Variants in NKAIN2 observed in about 807,000 individuals in gnomAD.
The protein encoded by NKAIN2 is sodium/potassium-transporting ATPase subunit beta-1-interacting protein 2.
NKAIN2 carries 14 observed loss-of-function variants against 32.6 expected under a neutral mutation model. The observed-to-expected ratio is 0.43, with a 90% CI of 0.28 to 0.67. NKAIN2 has a LOEUF of 0.67. Among genes scored for constraint, NKAIN2 ranks in the 30% least tolerant of loss-of-function variants. NKAIN2 has a pLI of 0.17. For synonymous variants in NKAIN2, 80 were observed against 87.2 expected, an observed-to-expected ratio of 0.92 and a Z score of 0.46; for missense variants, 198 against 258.3, an observed-to-expected ratio of 0.77 and a Z score of 1.60.
chr6:124,012,745 G>C (rs1439663855), intron 1 of NKAIN2, among the ~76,000 whole-genome samples: 1 of 151,994 alleles, frequency 6.6e-6, no homozygotes, highest in Non-Finnish European at 1.5e-5. Context: ...ATAGACACTT[G>C]GGTTGTTTCT....
chr6:124,514,735 T>G (rs969511100), intron 3 of NKAIN2, among the ~76,000 whole-genome samples: 2 of 150,380 alleles, frequency 1.3e-5, no homozygotes, highest in Admixed American at 6.6e-5. Flanking sequence ...TTTTCCAACT[T>G]GGCTGCATGT....
intron 1 of NKAIN2, among the ~76,000 whole-genome samples, chr6:123,951,644 T>C (rs570710148): frequency 7.9e-5 from 12 of 151,678 alleles, no homozygotes; most frequent in Non-Finnish European, 1.3e-4. Flanking sequence ...TCAGTCTATA[T>C]TTTTTTTAAC....
intron 3 of NKAIN2, among the ~76,000 whole-genome samples, chr6:124,387,134 T>G (rs1316506909): frequency 1.3e-5 from 2 of 152,224 alleles, no homozygotes; most frequent in African/African-American, 2.4e-5. Context: ...TTTTGAAAAC[T>G]TGTATAAAAT....
At chr6:124,117,709 G>A (rs185591524) in intron 1 of NKAIN2, among the ~76,000 whole-genome samples, 6 of 151,878 alleles carry the variant, frequency 4.0e-5, no homozygotes, top group Admixed American at 3.9e-4. Flanking sequence ...TTCAAATTAA[G>A]TTCACATTAT....
chr6:124,207,867 T>G (rs1452918308), intron 1 of NKAIN2, among the ~76,000 whole-genome samples: 1 of 151,946 alleles, frequency 6.6e-6, no homozygotes, highest in Non-Finnish European at 1.5e-5. Flanking sequence ...AAATTTGAGA[T>G]GCAGACAATT....
intron 4 of NKAIN2, among the ~76,000 whole-genome samples, chr6:124,707,044 T>C (rs1238613642): frequency 7.6e-6 from 1 of 132,370 alleles, no homozygotes; most frequent in African/African-American, 2.8e-5. Context: ...CCTGTGTCCA[T>C]GTGATCTCAT....
intron 1 of NKAIN2, among the ~76,000 whole-genome samples, chr6:123,981,544 T>A (rs1470814421): frequency 6.6e-6 from 1 of 152,102 alleles, no homozygotes; most frequent in Non-Finnish European, 1.5e-5. Context: ...CCATCACATA[T>A]GAAGATCAAG....
At chr6:124,622,028 G>A (rs1210702364) in intron 3 of NKAIN2, among the ~76,000 whole-genome samples, 3 of 152,166 alleles carry the variant, frequency 2.0e-5, no homozygotes, top group Non-Finnish European at 4.4e-5. Context: ...AAATTACCAT[G>A]CACTTTGTGG....
intron 1 of NKAIN2, among the ~76,000 whole-genome samples, chr6:123,950,550 T>A (rs1290362832): frequency 6.6e-6 from 1 of 152,016 alleles, no homozygotes; most frequent in Non-Finnish European, 1.5e-5. Flanking sequence ...TCAAAGAATT[T>A]ATCCACTTTC....
intron 1 of NKAIN2, among the ~76,000 whole-genome samples, chr6:123,878,468 T>C (rs1222170157): frequency 6.6e-6 from 1 of 152,150 alleles, no homozygotes; most frequent in Non-Finnish European, 1.5e-5. Flanking sequence ...TCCGGACTTC[T>C]ATTTTTATTT....
intron 4 of NKAIN2, among the ~76,000 whole-genome samples, chr6:124,734,210 C>A (rs1457807459): frequency 6.6e-6 from 1 of 151,672 alleles, no homozygotes; most frequent in Non-Finnish European, 1.5e-5. Context: ...TGGATTATAA[C>A]CCTTATTATT....
intron 3 of NKAIN2, among the ~76,000 whole-genome samples, chr6:124,597,749 T>G (rs1484561162): frequency 6.6e-6 from 1 of 152,160 alleles, no homozygotes; most frequent in African/African-American, 2.4e-5. Flanking sequence ...AACTTCTGGC[T>G]TCCTCTAACC....
chr6:124,037,768 C>A (rs1034796471), intron 1 of NKAIN2, among the ~76,000 whole-genome samples: 12 of 152,062 alleles, frequency 7.9e-5, no homozygotes, highest in Non-Finnish European at 1.5e-4. Flanking sequence ...AGCTATGGAT[C>A]CTTGAAATTC....
At chr6:124,786,657 A>G (rs1000322647) in intron 4 of NKAIN2, among the ~76,000 whole-genome samples, 3 of 152,096 alleles carry the variant, frequency 2.0e-5, no homozygotes, top group African/African-American at 7.2e-5. Flanking sequence ...TGAACAAATC[A>G]CATTAGATAC....
At chr6:124,181,841 C>T (rs1322071944) in intron 1 of NKAIN2, among the ~76,000 whole-genome samples, 1 of 152,166 alleles carries the variant, frequency 6.6e-6, no homozygotes, top group Non-Finnish European at 1.5e-5. Context: ...TAAGAAGCTC[C>T]AAGCTTTCCC....
intron 4 of NKAIN2, among the ~76,000 whole-genome samples, chr6:124,788,222 A>ATTT (rs1008467540): frequency 3.3e-5 from 5 of 152,082 alleles, no homozygotes; most frequent in African/African-American, 1.2e-4. Context: ...GTCTAGAGAT[A>ATTT]TTTTTATTGC....
At chr6:124,211,288 G>A (rs1040549617) in intron 1 of NKAIN2, among the ~76,000 whole-genome samples, 2 of 151,734 alleles carry the variant, frequency 1.3e-5, no homozygotes, top group African/African-American at 4.8e-5. Context: ...CCTCCCTCAT[G>A]AGCAATATAT....
intron 1 of NKAIN2, among the ~76,000 whole-genome samples, chr6:124,000,668 C>G: frequency 6.6e-6 from 1 of 151,956 alleles, no homozygotes. Flanking sequence ...GGGTTTATAG[C>G]CTTTAAATGT....
intron 1 of NKAIN2, among the ~76,000 whole-genome samples, chr6:124,265,700 C>T (rs1239135458): frequency 6.6e-6 from 1 of 152,210 alleles, no homozygotes; most frequent in African/African-American, 2.4e-5. Flanking sequence ...ATTCTCTACG[C>T]ATTTACAGGG....
Sources: gnomAD v4.1 joint callset for allele counts (sites outside exome capture counted in the v4.1 genomes callset) on GRCh38, gnomAD v4.1.1 for gene constraint, MANE v1.5 for transcripts, NCBI Gene and HGNC (gene_info 2026-07-23, HGNC 2026-07-21) for gene names.